Variants in ACAA2 observed in about 807,000 individuals in gnomAD.
ACAA2 encodes the protein 3-ketoacyl-CoA thiolase, mitochondrial.
In ACAA2, 35 loss-of-function variants were observed where a neutral mutation model predicts 44.8. The ratio of observed to expected loss-of-function variants is 0.78; its 90% CI spans 0.60 to 1.04. The LOEUF is 1.04. ACAA2 is among the 50% of genes least tolerant of loss of function. The probability of loss-of-function intolerance (pLI) is 0.00; values close to 1 mark genes in which losing one functional copy is unlikely to be tolerated. For synonymous variants in ACAA2, 142 were observed against 166.5 expected (o/e 0.85, Z 1.13); for missense variants, 468 against 482.6 (o/e 0.97, Z 0.28).
Position 49,785,205 on chromosome 18 carries a change from G to C in ACAA2, c.1101C>G (p.His367Gln), listed in dbSNP as rs756356351. 1 of 1,608,442 alleles carries C rather than the reference G, an allele frequency of 6.2e-7. No individual in the cohort carries two copies. The highest frequency in any genetic ancestry group is 2.2e-5 in the East Asian group (1 of 44,864). The change falls in exon 9 of 10, where the codon CAC becomes CAG. Residue 367 changes from histidine to glutamine, a missense_variant. Coordinates refer to ENST00000285093, the MANE Select transcript of ACAA2 (RefSeq NM_006111.3). ...SGSRITAHLV[H>Q]ELRRRGGKYA... is the part of the protein sequence containing the mutation. ...CTATTTCTAGCAAATACCTTAATTC[G>C]TGAACCAGGTGTGCAGTAATTCTTG...
At chr18:49,801,377 A>C (rs1358262866) in intron 2 of ACAA2, among the ~76,000 whole-genome samples, 3 of 152,354 alleles carry the variant, frequency 2.0e-5, no homozygotes, top group East Asian at 3.9e-4. Context: ...GTTTGAGAGA[A>C]TACATGCTGG....
rs1568584013 is a variant in ACAA2, at chr18:49,785,330, G to A, written c.976C>T (p.Gln326Ter). 6.2e-7 allele frequency: 1 copy of A among 1,613,312 alleles called. No individual in the cohort carries two copies. The highest frequency in any genetic ancestry group is 8.5e-7 in the Non-Finnish European group (1 of 1,179,830). ...LVEVNEAFAPQYLAVERSLDL... is the reference protein window; with the variant it reads ...LVEVNEAFAP Reference sequence around the variant, plus strand: ...AAACTCCTCTCAACAGCCAAGTACTGGGGAGCAAAAGCTTCATTCACCTTA... The same window carrying A: ...AAACTCCTCTCAACAGCCAAGTACTAGGGAGCAAAAGCTTCATTCACCTTA... The change falls in exon 9 of 10, where the codon CAG (glutamine) becomes TAG (stop). Residue 326 changes from glutamine (Q) to a stop codon, truncating the protein, a stop_gained. Transcript: ENST00000285093. LOFTEE classifies it high-confidence loss of function.
chr18:49,792,354 A>G (rs745789283), intron 5 of ACAA2, 27 bp from the exon 6 acceptor site: 3 of 1,542,926 alleles, frequency 1.9e-6, no homozygotes, highest in Non-Finnish European at 2.7e-6. Context: ...AGACTATCAT[A>G]AGAATAAAAG....
intron 6 of ACAA2, 101 bp from the exon 7 acceptor site, chr18:49,791,700 G>C: frequency 3.3e-6 from 4 of 1,198,450 alleles, no homozygotes; most frequent in Non-Finnish European, 4.7e-6. Context: ...GCAGTACATA[G>C]GAAGCCAGTG....
At chr18:49,788,507 CTACTGATTTACTACA>C (rs2023360915) in intron 7 of ACAA2, among the ~76,000 whole-genome samples, 1 of 133,140 alleles carries the variant, frequency 7.5e-6, no homozygotes, top group Non-Finnish European at 1.6e-5. Flanking sequence ...TTTCATGTGG[CTACTGATTTACTACA>C]GCTACTGATT....
intron 1 of ACAA2, among the ~76,000 whole-genome samples, chr18:49,805,988 T>TC (rs1483694784): frequency 6.6e-6 from 1 of 152,162 alleles, no homozygotes; most frequent in African/African-American, 2.4e-5. Context: ...TATGCTCCTA[T>TC]CTGACCAACC....
chr18:49,813,532 C>T lies in ACAA2; in HGVS notation c.-48G>A. On this transcript the variant is annotated 5_prime_UTR_variant, in exon 1 of 10. Coordinates refer to ENST00000285093, the MANE Select transcript of ACAA2 (RefSeq NM_006111.3). ...GCGCGGGTCTGTGGTGTGGGGGACG[C>T]TGAGCGGCCGCTCGCAATCACCCAG... The T allele has an allele frequency of 8.1e-7, 1 of 1,237,110 alleles. No homozygotes were observed. The highest frequency in any genetic ancestry group is 1.5e-5 in the African/African-American group (1 of 64,528). The allele number at this position is 1,237,110 out of a possible 1,614,324, so 76.6% of individuals were successfully genotyped here.
At chr18:49,798,277 T>A (rs113270782) in intron 2 of ACAA2, among the ~76,000 whole-genome samples, 1 of 152,100 alleles carries the variant, frequency 6.6e-6, no homozygotes, top group Non-Finnish European at 1.5e-5. Flanking sequence ...AGATGAATGA[T>A]TGGTCAGGAG....
chr18:49,799,415 C>T (rs1333893408), intron 2 of ACAA2, among the ~76,000 whole-genome samples: 2 of 151,838 alleles, frequency 1.3e-5, no homozygotes. Context: ...CGGGGTTTCG[C>T]TGTGTTGGCC....
chr18:49,801,628 C>A (rs2023548694), intron 2 of ACAA2, among the ~76,000 whole-genome samples: 1 of 151,768 alleles, frequency 6.6e-6, no homozygotes, highest in Non-Finnish European at 1.5e-5. Flanking sequence ...GCAAGATGAA[C>A]AGCATCAAGT....
Position 49,787,353 on chromosome 18 carries a change from G to A in ACAA2, c.892C>T (p.Pro298Ser). The part of the protein sequence containing the change: ...DPSIMGIGPV[P>S]AISGALKKAG... ...TTCTTCAGTGCCCCACTGATAGCAG[G>A]GACAGGACCTATATAATAATAAAAA... Residue 298 changes from proline (P) to serine (S), a missense_variant, in exon 8 of 10, where the codon CCT becomes TCT. Pro to Ser is a moderately conservative substitution (Grantham distance 74). Transcript: ENST00000285093. 2.1e-6 allele frequency: 3 copies of A among 1,451,928 alleles called. No homozygotes were observed. Among genetic ancestry groups the A allele is most frequent in the Non-Finnish European group, 2.7e-6 (3 of 1,102,402 alleles). 89.9% of individuals were successfully genotyped at this position (1,451,928 alleles called of 1,614,324 possible).
At chr18:49,791,643 C>T (rs1346242071) in intron 6 of ACAA2, 44 bp from the exon 7 acceptor site, 7 of 1,597,456 alleles carry the variant, frequency 4.4e-6, no homozygotes, top group Non-Finnish European at 6.0e-6. Flanking sequence ...TAAAATAATC[C>T]AGTTAATCAA....
chr18:49,791,988 A>C (rs1344356631), intron 6 of ACAA2, among the ~76,000 whole-genome samples, 164 bp downstream of exon 6: 4 of 152,346 alleles, frequency 2.6e-5, no homozygotes, highest in Non-Finnish European at 5.9e-5. Flanking sequence ...ATATGAAAAG[A>C]TTTTGTGTGG....
At chr18:49,809,570 C>A (rs1282019742) in intron 1 of ACAA2, among the ~76,000 whole-genome samples, 1 of 152,126 alleles carries the variant, frequency 6.6e-6, no homozygotes, top group Non-Finnish European at 1.5e-5. Flanking sequence ...AGCTATCAAG[C>A]CATAAAAGGA....
rs1053020697 is a variant in ACAA2, at chr18:49,782,337, A to C, written c.*1510T>G. ...CCAAACCGTGGGTAGGCCGCTTGTC[A>C]TCTGCCTCTCTATGACAGAAAGGGG... On this transcript the variant is annotated 3_prime_UTR_variant, in exon 10 of 10. Transcript: ENST00000285093. 20 of 152,132 alleles carry C rather than the reference A, an allele frequency of 1.3e-4. No individual in the cohort carries two copies. The highest frequency in any genetic ancestry group is 4.1e-4 in the African/African-American group (17 of 41,404). 9.4% of individuals were successfully genotyped at this position (152,132 alleles called of 1,614,324 possible). A position where few individuals can be genotyped will look rare whatever the true frequency, so the allele number is the denominator to read the frequency against.
intron 1 of ACAA2, among the ~76,000 whole-genome samples, chr18:49,804,523 T>C (rs1202553799): frequency 4.6e-5 from 7 of 152,186 alleles, no homozygotes; most frequent in Non-Finnish European, 1.0e-4. Flanking sequence ...CTCAGGTAAA[T>C]TAAAGGCATT....
intron 1 of ACAA2, chr18:49,812,731 A>G (rs1598805645): frequency 6.6e-6 from 1 of 152,048 alleles, no homozygotes; most frequent in East Asian, 1.9e-4. Flanking sequence ...CCACCTTCTT[A>G]CAGAGCCCAC....
intron 8 of ACAA2, among the ~76,000 whole-genome samples, chr18:49,787,004 G>A (rs2023338004): frequency 6.6e-6 from 1 of 152,020 alleles, no homozygotes; most frequent in South Asian, 2.1e-4. Flanking sequence ...AGTCTAAAAT[G>A]TAACAGTTTT....
chr18:49,798,476 T>TAA (rs201938206), intron 2 of ACAA2, among the ~76,000 whole-genome samples: 8 of 144,320 alleles, frequency 5.5e-5, no homozygotes, highest in East Asian at 2.0e-4. Context: ...AAGAATGACT[T>TAA]AAAAAAAAAA....
Sources: allele counts gnomAD v4.1 joint callset (sites outside exome capture counted in the v4.1 genomes callset), GRCh38; gene constraint gnomAD v4.1.1; transcripts MANE v1.5; gene names NCBI Gene and HGNC (gene_info 2026-07-23, HGNC 2026-07-21).